CENPI: variants seen among roughly 807,000 people sequenced by gnomAD.
The protein encoded by CENPI is FSH primary response 1.
A neutral mutation model predicts 60.4 loss-of-function variants in CENPI; 4 were observed. That is an observed-to-expected ratio of 0.07 (90% CI 0.03 to 0.15). The LOEUF is 0.15. CENPI is among the 10% of genes least tolerant of loss of function. CENPI has a pLI of 1.00. For missense variants in CENPI, 444 were observed against 534.5 expected, an observed-to-expected ratio of 0.83 and a Z score of 1.67; for synonymous variants, 157 against 189.4, an observed-to-expected ratio of 0.83 and a Z score of 1.40.
intron 6 of CENPI, among the ~76,000 whole-genome samples, chrX:101,111,946 C>G (rs768018482): frequency 3.4e-4 from 38 of 111,448 alleles, no homozygotes; most frequent in Non-Finnish European, 2.1e-4. Flanking sequence ...GCAGGAGAAT[C>G]ACTTGAACCC....
rs1002981241 is a variant in CENPI, at chrX:101,128,956, T to C, written c.1195+120T>C. On this transcript the variant is annotated intron_variant, in intron 12 of 21. Coordinates refer to ENST00000682095, the MANE Select transcript of CENPI (RefSeq NM_001386188.2). The stretch of plus-strand genomic sequence containing the variant: ...TAATTATGTCTGTGGTAATCTTATA[T>C]TTAGAGCATGAATGTTTCTGTTGTA... 1.0e-5 allele frequency: 6 copies of C among 577,783 alleles called. No individual in the cohort carries two copies. The African/African-American group carries it at 1.4e-4, about 13-fold the overall frequency. The allele number at this position is 577,783 out of a possible 1,213,427, so 47.6% of individuals were successfully genotyped here.
In CENPI at chrX:101,147,763, A is replaced by G; in HGVS notation, c.1827A>G (p.Arg609=). The G allele has an allele frequency of 1.7e-6, 2 of 1,197,987 alleles. No homozygotes were observed. The highest frequency in any genetic ancestry group is 1.8e-5 in the South Asian group (1 of 55,811). The change falls in exon 19 of 22, where the codon AGA becomes AGG. Residue 609 remains arginine, a splice_region_variant and synonymous_variant. Transcript: ENST00000682095. ...TCATTCTGTTTGTTTTTTCTGTTAG[A>G]TATCGTAAAAATTTGACTGCCGCAA... is the stretch of plus-strand genomic sequence containing the variant. ...ILNQLCFIMH[R]YRKNLTAAKK...
chrX:101,115,758 C>G, intron 6 of CENPI, among the ~76,000 whole-genome samples: 1 of 112,010 alleles, frequency 8.9e-6, no homozygotes, highest in Admixed American at 9.5e-5. Context: ...ATTTACAAAA[C>G]TTTTTCATTA....
At chrX:101,115,666 C>A (rs1457702448) in intron 6 of CENPI, among the ~76,000 whole-genome samples, 1 of 111,852 alleles carries the variant, frequency 8.9e-6, no homozygotes, top group East Asian at 2.8e-4. Flanking sequence ...GCCTGACTCT[C>A]ACCATTTTAA....
intron 6 of CENPI, among the ~76,000 whole-genome samples, chrX:101,111,069 G>A (rs982882951): frequency 9.0e-6 from 1 of 111,244 alleles, no homozygotes; most frequent in African/African-American, 3.3e-5. Context: ...AGTTGGGTGA[G>A]GACAGATTGT....
chrX:101,099,078 C>G (rs751514074), intron 2 of CENPI, among the ~76,000 whole-genome samples: 100 of 109,530 alleles, frequency 9.1e-4, no homozygotes, highest in Non-Finnish European at 1.6e-3. Context: ...CTGTCTGTCT[C>G]TCTCTCTCTC....
At chrX:101,100,916 C>T in intron 2 of CENPI, 142 bp from the exon 3 acceptor site, 1 of 418,470 alleles carries the variant, frequency 2.4e-6, no homozygotes, top group Admixed American at 4.2e-5. Flanking sequence ...ACTTTGTTTC[C>T]TGGATTGTTG....
intron 20 of CENPI, 23 bp downstream of exon 20, chrX:101,148,184 TA>T: frequency 8.9e-7 from 1 of 1,121,302 alleles, no homozygotes; most frequent in South Asian, 1.9e-5. Flanking sequence ...AAAGAATTTT[TA>T]GATTTTGTAT....
At chrX:101,177,472 A>T in the CENPI span, among the ~76,000 whole-genome samples, 1 of 111,337 alleles carries the variant, frequency 9.0e-6, no homozygotes, top group Non-Finnish European at 1.9e-5. Flanking sequence ...GCGAGCATTG[A>T]GCCAGGCTGG....
In CENPI at chrX:101,126,911, T is replaced by C. The variant is rs1484228400; in HGVS notation, c.777+113T>C. 4.0e-6 allele frequency: 3 copies of C among 749,111 alleles called. No homozygotes were observed. In the Admixed American group the frequency reaches 9.0e-5, roughly 22 times the overall value. 61.7% of individuals were successfully genotyped at this position (749,111 alleles called of 1,213,427 possible). On this transcript the variant is annotated intron_variant, in intron 9 of 21. Coordinates refer to ENST00000682095, the MANE Select transcript of CENPI (RefSeq NM_001386188.2). ...TACAGCCTACTGTTTTACTGTCTAG[T>C]ATTGTGGTACTGTTTTGGGAAAGTT... is the stretch of plus-strand genomic sequence containing the variant.
At chrX:101,115,298 T>A (rs1038302671) in intron 6 of CENPI, among the ~76,000 whole-genome samples, 14 of 108,375 alleles carry the variant, frequency 1.3e-4, no homozygotes, top group African/African-American at 4.7e-4. Flanking sequence ...TTTTTTTTTT[T>A]AAATTTGAGA....
intron 8 of CENPI, among the ~76,000 whole-genome samples, chrX:101,121,773 A>G (rs1464409367): frequency 2.0e-5 from 2 of 101,265 alleles, no homozygotes; most frequent in Non-Finnish European, 4.0e-5. Flanking sequence ...AAATGAATTT[A>G]TATTTTGTAC....
chrX:101,175,431 T>G, the CENPI span, among the ~76,000 whole-genome samples: 1 of 112,076 alleles, frequency 8.9e-6, no homozygotes, highest in Non-Finnish European at 1.9e-5. Context: ...GTAAAGAAAA[T>G]GATCCTACCA....
intron 6 of CENPI, among the ~76,000 whole-genome samples, chrX:101,112,206 G>T (rs1406224117): frequency 8.9e-6 from 1 of 111,907 alleles, no homozygotes; most frequent in Admixed American, 9.5e-5. Flanking sequence ...TGGAAAATTT[G>T]TATCTGCCAC....
chrX:101,143,489 C>T (rs777493581), intron 16 of CENPI, among the ~76,000 whole-genome samples: 122 of 111,602 alleles, frequency 1.1e-3, no homozygotes, highest in African/African-American at 3.8e-3. Context: ...TTGCTAATTC[C>T]CTTTTAGGGT....
chrX:101,106,581 TAA>T (rs2089486036), intron 4 of CENPI, among the ~76,000 whole-genome samples: 1 of 110,131 alleles, frequency 9.1e-6, no homozygotes, highest in Non-Finnish European at 1.9e-5. Flanking sequence ...CATGCCCAGC[TAA>T]GTTTTGTATT....
In CENPI at chrX:101,109,454, T is replaced by C; in HGVS notation, c.365-19T>C. The stretch of plus-strand genomic sequence containing the variant: ...CGAGACACTAAAATGTAGTTTAATT[T>C]AGCTTGTCTCCTTTCCAGGAAATGC... On this transcript the variant is annotated intron_variant, in intron 4 of 21. Transcript: ENST00000682095. 9.1e-7 allele frequency: 1 copy of C among 1,099,340 alleles called. No individual in the cohort carries two copies. The highest frequency in any genetic ancestry group is 1.3e-6 in the Non-Finnish European group (1 of 795,603). The allele number at this position is 1,099,340 out of a possible 1,213,427, so 90.6% of individuals were successfully genotyped here.
chrX:101,158,632 C>CTT (rs762674216), intron 20 of CENPI, among the ~76,000 whole-genome samples: 3 of 88,265 alleles, frequency 3.4e-5, no homozygotes, highest in African/African-American at 8.3e-5. Flanking sequence ...ATAGAGATCA[C>CTT]TTTTTTTTTT....
the CENPI span, among the ~76,000 whole-genome samples, chrX:101,176,094 A>G: frequency 8.9e-6 from 1 of 112,004 alleles, no homozygotes; most frequent in Non-Finnish European, 1.9e-5. Flanking sequence ...CTCCAGTTCC[A>G]TCCACGTTGC....
Sources: allele counts gnomAD v4.1 joint callset (sites outside exome capture counted in the v4.1 genomes callset), GRCh38; gene constraint gnomAD v4.1.1; transcripts MANE v1.5; gene names NCBI Gene and HGNC (gene_info 2026-07-23, HGNC 2026-07-21).